Variants in PXYLP1 observed in about 807,000 individuals in gnomAD.
PXYLP1 encodes the protein acid phosphatase-like 2.
A neutral mutation model predicts 37.9 loss-of-function variants in PXYLP1; 17 were observed. The ratio of observed to expected loss-of-function variants is 0.45; its 90% CI spans 0.31 to 0.67. PXYLP1 has a LOEUF of 0.67. Ranked by LOEUF, PXYLP1 falls within the 30% of genes least tolerant of loss-of-function variation. PXYLP1 has a pLI of 0.07. For synonymous variants in PXYLP1, 221 were observed against 232.2 expected (o/e 0.95, Z 0.44); for missense variants, 511 against 612.0 (o/e 0.84, Z 1.74).
intron 2 of PXYLP1, among the ~76,000 whole-genome samples, chr3:141,271,532 A>G (rs933011295): frequency 6.6e-6 from 1 of 152,176 alleles, no homozygotes; most frequent in Admixed American, 6.5e-5. Context: ...CTTGTGTGGC[A>G]GCTGATCCCA....
chr3:141,288,535 C>G (rs985077922), intron 5 of PXYLP1, among the ~76,000 whole-genome samples: 1 of 152,202 alleles, frequency 6.6e-6, no homozygotes, highest in Non-Finnish European at 1.5e-5. Context: ...AGATCCAACA[C>G]CCCCTTTGAT....
chr3:141,264,303 TC>T (rs1253489653), intron 2 of PXYLP1, among the ~76,000 whole-genome samples: 2 of 152,152 alleles, frequency 1.3e-5, no homozygotes, highest in Non-Finnish European at 2.9e-5. Flanking sequence ...TGGTAGAACT[TC>T]CTAAAAGTCA....
At chr3:141,281,488 A>G (rs1345643316) in intron 4 of PXYLP1, among the ~76,000 whole-genome samples, 1 of 152,250 alleles carries the variant, frequency 6.6e-6, no homozygotes, top group Non-Finnish European at 1.5e-5. Context: ...TGCCCAGGAC[A>G]CGGCAGCCCT....
chr3:141,287,536 G>A, intron 5 of PXYLP1, 83 bp downstream of exon 5: 2 of 1,531,582 alleles, frequency 1.3e-6, no homozygotes, highest in Non-Finnish European at 1.8e-6. Flanking sequence ...CCTGGGCGGG[G>A]TGCTGTGCAG....
At chr3:141,258,749 C>G (rs1941322824) in intron 1 of PXYLP1, 2 of 157,420 alleles carry the variant, frequency 1.3e-5, no homozygotes, top group Non-Finnish European at 2.8e-5. Flanking sequence ...TTACCACATT[C>G]AAAAATCTGG....
intron 1 of PXYLP1, among the ~76,000 whole-genome samples, chr3:141,244,505 C>T (rs1182722601): frequency 2.6e-5 from 4 of 151,248 alleles, no homozygotes; most frequent in East Asian, 1.9e-4. Context: ...AGACCTTTTT[C>T]GGTAAATTTA....
At position 141,279,358 on chromosome 3, in the gene PXYLP1, A is replaced by G. The variant is rs78760647; in HGVS notation, c.239-20A>G. Reference sequence around the variant, plus strand: ...GACACCTATTGAGTGATAACCAGACAATGTGCTTCTCTCGCGCAGGTCATG... The same window carrying G: ...GACACCTATTGAGTGATAACCAGACGATGTGCTTCTCTCGCGCAGGTCATG... On this transcript the variant is annotated intron_variant, in intron 3 of 5. Transcript: ENST00000286353. 1.6e-3 allele frequency: 2,522 copies of G among 1,613,912 alleles called. 42 individuals are homozygous for G. In the African/African-American group the frequency reaches 0.03, roughly 19 times the overall value.
At chr3:141,254,776 C>T (rs919273569) in intron 1 of PXYLP1, among the ~76,000 whole-genome samples, 5 of 152,026 alleles carry the variant, frequency 3.3e-5, no homozygotes, top group African/African-American at 1.2e-4. Flanking sequence ...AAAAAATCAA[C>T]GTGTAGAATA....
chr3:141,249,157 C>T (rs1941083895), intron 1 of PXYLP1, among the ~76,000 whole-genome samples: 1 of 152,052 alleles, frequency 6.6e-6, no homozygotes, highest in Non-Finnish European at 1.5e-5. Context: ...TGCCCACTGG[C>T]ACTGGCAGTG....
Position 141,292,774 on chromosome 3 carries a change from A to G in PXYLP1, c.1012A>G (p.Lys338Glu), listed in dbSNP as rs1179483773. Residue 338 changes from lysine (K) to glutamate (E), a missense_variant, in exon 6 of 6, where the codon AAG becomes GAG. Lys to Glu is a moderately conservative substitution (Grantham distance 56). Coordinates refer to ENST00000286353, the MANE Select transcript of PXYLP1 (RefSeq NM_001037172.3). This position sits in a 1 kb window ranked among gnomAD's most constrained non-coding sequence, Gnocchi z 4.3. The part of the protein sequence containing the change: ...QIEDERERRE[K>E]KLYFGYSLLG... Reference sequence around the variant, plus strand: ...CGAGGATGAAAGGGAAAGACGGGAGAAGAAATTGTACTTCGGGTATTCTCT... The same window carrying G: ...CGAGGATGAAAGGGAAAGACGGGAGGAGAAATTGTACTTCGGGTATTCTCT... The G allele has an allele frequency of 1.9e-6, 3 of 1,613,428 alleles. No homozygotes were observed. The highest frequency in any genetic ancestry group is 2.5e-6 in the Non-Finnish European group (3 of 1,179,672).
chr3:141,259,391 ATT>A (rs35796707), intron 1 of PXYLP1, among the ~76,000 whole-genome samples: 1 of 147,244 alleles, frequency 6.8e-6, no homozygotes, highest in Admixed American at 6.8e-5. Flanking sequence ...GTAGTCATTC[ATT>A]TTTTTTTTTT....
At chr3:141,234,491 C>T (rs141243887) in intron 1 of PXYLP1, among the ~76,000 whole-genome samples, 165 of 152,324 alleles carry the variant, frequency 1.1e-3, no homozygotes, top group Non-Finnish European at 2.0e-3. Flanking sequence ...CTTGCAGAGC[C>T]CCACTGGCCA....
chr3:141,289,327 G>A (rs143877842), intron 5 of PXYLP1, among the ~76,000 whole-genome samples: 28 of 151,946 alleles, frequency 1.8e-4, no homozygotes, highest in African/African-American at 5.8e-4. Context: ...TGTTTTGCAC[G>A]TGATGGAATG....
At chr3:141,266,334 G>A (rs1007460269) in intron 2 of PXYLP1, among the ~76,000 whole-genome samples, 5 of 152,180 alleles carry the variant, frequency 3.3e-5, no homozygotes, top group South Asian at 2.1e-4. Context: ...GGCAGGAGCC[G>A]GGCAGCTGAG....
intron 2 of PXYLP1, among the ~76,000 whole-genome samples, chr3:141,267,800 T>C (rs1941553841): frequency 6.6e-6 from 1 of 152,134 alleles, no homozygotes; most frequent in African/African-American, 2.4e-5. Flanking sequence ...TAGTTTTCTT[T>C]CAGGGTGGAG....
rs1942238847 is a variant in PXYLP1 at position 141,292,391 on chromosome 3, C to G, written c.629C>G (p.Thr210Ser). 1 of 1,614,064 alleles carries G rather than the reference C, an allele frequency of 6.2e-7. No homozygotes were observed. Among genetic ancestry groups the G allele is most frequent in the Non-Finnish European group, 8.5e-7 (1 of 1,180,050 alleles). Residue 210 changes from threonine to serine, a missense_variant, in exon 6 of 6, where the codon ACC becomes AGC. Transcript: ENST00000286353. The surrounding 1 kb of genome is among the most constrained non-coding windows in gnomAD (Gnocchi z 4.3). Reference sequence around the variant, plus strand: ...TTAGAGACCACTGGGAAAAGCCGGACCCTACAAAGTGGGCTGGCCTTGCTT... The same window carrying G: ...TTAGAGACCACTGGGAAAAGCCGGAGCCTACAAAGTGGGCTGGCCTTGCTT... ...LYLETTGKSR[T>S]LQSGLALLYG...
At position 141,293,391 on chromosome 3, in the gene PXYLP1, G is replaced by A. The variant is rs1179905096; in HGVS notation, c.*186G>A. Reference sequence around the variant, plus strand: ...ATTGCTGCAATGTGGTACGTGAATTGCTTGGTACAAAATGGCCAGTTCACA... The same window carrying A: ...ATTGCTGCAATGTGGTACGTGAATTACTTGGTACAAAATGGCCAGTTCACA... On this transcript the variant is annotated 3_prime_UTR_variant, in exon 6 of 6. Coordinates refer to ENST00000286353, the MANE Select transcript of PXYLP1 (RefSeq NM_001037172.3). 3.1e-6 allele frequency: 2 copies of A among 636,596 alleles called. No homozygotes were observed. Among genetic ancestry groups the A allele is most frequent in the Non-Finnish European group, 5.3e-6 (2 of 376,236 alleles). 39.4% of individuals were successfully genotyped at this position (636,596 alleles called of 1,614,324 possible). A position where few individuals can be genotyped will look rare whatever the true frequency, so the allele number is the denominator to read the frequency against.
chr3:141,287,200 T>C lies in PXYLP1; in HGVS notation c.366-114T>C, dbSNP rs1003753096. ...TGAAAAGTGATTGAGCCGGTACCTG[T>C]TACTGTGGGTGCAAAAGGCTGCGAT... On this transcript the variant is annotated intron_variant, in intron 4 of 5. Transcript: ENST00000286353. 2.3e-5 allele frequency: 25 copies of C among 1,086,378 alleles called. No homozygotes were observed. In the South Asian group the frequency reaches 3.6e-4, roughly 15 times the overall value. 67.3% of individuals were successfully genotyped at this position (1,086,378 alleles called of 1,614,324 possible).
At chr3:141,248,766 C>T (rs187384634) in intron 1 of PXYLP1, among the ~76,000 whole-genome samples, 2 of 46,576 alleles carry the variant, frequency 4.3e-5, no homozygotes, top group Non-Finnish European at 9.2e-5. Flanking sequence ...TATACACACA[C>T]GTGTATATAT....
Sources: allele counts gnomAD v4.1 joint callset (sites outside exome capture counted in the v4.1 genomes callset), GRCh38; gene constraint gnomAD v4.1.1; non-coding constraint Gnocchi (gnomAD v3.1); transcripts MANE v1.5; gene names NCBI Gene and HGNC (gene_info 2026-07-23, HGNC 2026-07-21).